Variants in AHCYL2 observed in about 807,000 individuals in gnomAD.
The protein encoded by AHCYL2 is adenosylhomocysteinase like 2, also known as S-adenosylhomocysteine hydrolase-like protein 2.
In AHCYL2, 28 loss-of-function variants were observed where a neutral mutation model predicts 81.4. The ratio of observed to expected loss-of-function variants is 0.34; its 90% CI spans 0.25 to 0.47. The LOEUF (loss-of-function observed/expected upper bound fraction) is 0.47. AHCYL2 is among the 20% of genes least tolerant of loss of function. AHCYL2 has a pLI of 1.00. For synonymous variants in AHCYL2, 272 were observed against 290.2 expected, an observed-to-expected ratio of 0.94 and a Z score of 0.64; for missense variants, 551 against 785.1, an observed-to-expected ratio of 0.70 and a Z score of 3.56.
chr7:129,403,447 C>T lies in AHCYL2; in HGVS notation c.987C>T (p.Ile329=). 6.2e-7 allele frequency: 1 copy of T among 1,611,710 alleles called. No homozygotes were observed. The highest frequency in any genetic ancestry group is 2.2e-5 in the East Asian group (1 of 44,662). The stretch of plus-strand genomic sequence containing the variant: ...AGTATCCCAACATGTTTAAGAAAAT[C>T]AAGGGCATAGTAGAGGAGAGTGTTA... The part of the protein sequence containing the change: ...YKKYPNMFKK[I]KGIVEESVTG... Residue 329 remains isoleucine, a synonymous_variant, in exon 7 of 17, where the codon ATC becomes ATT. Coordinates refer to ENST00000325006, the MANE Select transcript of AHCYL2 (RefSeq NM_015328.4).
intron 4 of AHCYL2, among the ~76,000 whole-genome samples, chr7:129,395,623 T>C (rs985965232): frequency 7.2e-5 from 11 of 152,180 alleles, no homozygotes; most frequent in South Asian, 2.1e-4. Flanking sequence ...TAGTCCCTAA[T>C]GGCAGGCCCA....
chr7:129,316,779 CT>C (rs1178584991), intron 1 of AHCYL2, among the ~76,000 whole-genome samples: 1 of 152,148 alleles, frequency 6.6e-6, no homozygotes, highest in East Asian at 1.9e-4. Flanking sequence ...AAGACTTTCC[CT>C]TTGGAATAGA....
intron 1 of AHCYL2, among the ~76,000 whole-genome samples, chr7:129,377,810 G>A (rs1042776062): frequency 1.3e-5 from 2 of 152,090 alleles, no homozygotes; most frequent in Non-Finnish European, 2.9e-5. Flanking sequence ...GTATTATAAA[G>A]TATCAGCTGG....
At chr7:129,249,188 A>G (rs1259271388) in intron 1 of AHCYL2, among the ~76,000 whole-genome samples, 2 of 151,700 alleles carry the variant, frequency 1.3e-5, no homozygotes, top group Non-Finnish European at 2.9e-5. Context: ...TGTAGAGACA[A>G]GATCTTGCCA....
chr7:129,241,651 G>A (rs1278317800), intron 1 of AHCYL2, among the ~76,000 whole-genome samples: 1 of 152,110 alleles, frequency 6.6e-6, no homozygotes, highest in African/African-American at 2.4e-5. Flanking sequence ...TGAGAAAAGT[G>A]TACTCATTAT....
intron 1 of AHCYL2, among the ~76,000 whole-genome samples, chr7:129,290,168 A>C (rs1796785722): frequency 6.6e-6 from 1 of 152,144 alleles, no homozygotes; most frequent in South Asian, 2.1e-4. Flanking sequence ...GCTTTCAATA[A>C]ATGTCAAATG....
chr7:129,280,177 A>ATTTTTTTTTT (rs1563179007), intron 1 of AHCYL2, among the ~76,000 whole-genome samples: 1 of 15,434 alleles, frequency 6.5e-5, no homozygotes, highest in African/African-American at 9.7e-5. Context: ...TTTGCTAAAT[A>ATTTTTTTTTT]CTTTTTTTTT....
intron 4 of AHCYL2, among the ~76,000 whole-genome samples, chr7:129,394,334 A>G (rs1413312590): frequency 2.7e-5 from 4 of 148,522 alleles, no homozygotes; most frequent in South Asian, 2.1e-4. Flanking sequence ...TTATTGGTCT[A>G]TCTTCAGGTT....
Position 129,321,783 on chromosome 7 carries a change from GT to G in AHCYL2, c.364-57845del, listed in dbSNP as rs1423315953. ...TTTTTTTGGTCTTGGTTTTGTTTTT[GT>G]TTTTTTTTTCAGACGGAGTCTCACT... is the stretch of plus-strand genomic sequence containing the variant. On this transcript the variant is annotated intron_variant, in intron 1 of 16. Coordinates refer to ENST00000325006, the MANE Select transcript of AHCYL2 (RefSeq NM_015328.4). 2.2e-3 allele frequency among the ~76,000 whole-genome samples: 84 copies of G among 37,922 alleles called. 2 individuals carry two copies. Among genetic ancestry groups the G allele is most frequent in the Admixed American group, 6.4e-3 (22 of 3,426 alleles). The allele number at this position is 37,922 out of a possible 152,430, so 24.9% of individuals were successfully genotyped here. A position where few individuals can be genotyped will look rare whatever the true frequency, so the allele number is the denominator to read the frequency against.
Position 129,405,880 on chromosome 7 carries a change from T to C in AHCYL2, c.1187T>C (p.Val396Ala). 6.2e-7 allele frequency: 1 copy of C among 1,613,782 alleles called. No individual in the cohort carries two copies. The highest frequency in any genetic ancestry group is 8.5e-7 in the Non-Finnish European group (1 of 1,179,848). Residue 396 changes from valine (V) to alanine (A), a missense_variant, in exon 9 of 17, where the codon GTA (valine) becomes GCA (alanine). Coordinates refer to ENST00000325006, the MANE Select transcript of AHCYL2 (RefSeq NM_015328.4). ...ATGATGTTTGGTGGAAAGCAAGTGG[T>C]AGTCTGTGGCTATGGAGAGGTGAAG... ...TDMMFGGKQV[V>A]VCGYGEVGKG...
intron 1 of AHCYL2, among the ~76,000 whole-genome samples, chr7:129,239,413 G>T (rs1408638754): frequency 6.6e-6 from 1 of 151,560 alleles, no homozygotes; most frequent in East Asian, 1.9e-4. Context: ...CTCATTTCAT[G>T]TTTCTCATTT....
intron 2 of AHCYL2, among the ~76,000 whole-genome samples, chr7:129,384,024 T>C (rs1795087908): frequency 6.6e-6 from 1 of 152,154 alleles, no homozygotes; most frequent in African/African-American, 2.4e-5. Context: ...GGATATGAGA[T>C]AATGCATATG....
chr7:129,252,835 AATAG>A (rs1008797214), intron 1 of AHCYL2, among the ~76,000 whole-genome samples: 1 of 152,036 alleles, frequency 6.6e-6, no homozygotes, highest in African/African-American at 2.4e-5. Flanking sequence ...TTGATAGATA[AATAG>A]ATAGCAGAGA....
intron 1 of AHCYL2, among the ~76,000 whole-genome samples, chr7:129,369,751 C>T (rs1294610235): frequency 6.6e-6 from 1 of 151,914 alleles, no homozygotes; most frequent in African/African-American, 2.4e-5. Flanking sequence ...GGGGTTTCAC[C>T]ATGTTGGCCA....
intron 1 of AHCYL2, among the ~76,000 whole-genome samples, chr7:129,243,187 ATTTT>A (rs892177077): frequency 1.3e-5 from 2 of 149,588 alleles, no homozygotes; most frequent in Non-Finnish European, 3.0e-5. Context: ...TGCCCAGCTA[ATTTT>A]TTTTTGTATT....
intron 1 of AHCYL2, among the ~76,000 whole-genome samples, chr7:129,352,521 C>G (rs562960349): frequency 1.4e-4 from 21 of 152,282 alleles, no homozygotes; most frequent in African/African-American, 4.8e-4. Context: ...AAAACTTTCT[C>G]TCTTTCACCC....
At position 129,389,314 on chromosome 7, in the gene AHCYL2, C is replaced by A. The variant is rs1468759179; in HGVS notation, c.619+115C>A. 5 of 1,242,774 alleles carry A rather than the reference C, an allele frequency of 4.0e-6. No homozygotes were observed. In the African/African-American group the frequency reaches 8.1e-5, roughly 20 times the overall value. The allele number at this position is 1,242,774 out of a possible 1,614,324, so 77.0% of individuals were successfully genotyped here. On this transcript the variant is annotated intron_variant, in intron 3 of 16. Transcript: ENST00000325006. ...GTGAAATTTCTATGTGATAAGAATA[C>A]TTATAACAAAAGAAATGTGAGTTCA...
At chr7:129,413,485 G>C in intron 11 of AHCYL2, 109 bp from the exon 12 acceptor site, 1 of 914,186 alleles carries the variant, frequency 1.1e-6, no homozygotes. Context: ...TGGGTTGTAA[G>C]AATTCCTTAT....
At chr7:129,369,752 A>C (rs914319200) in intron 1 of AHCYL2, among the ~76,000 whole-genome samples, 1 of 152,034 alleles carries the variant, frequency 6.6e-6, no homozygotes, top group African/African-American at 2.4e-5. Flanking sequence ...GGGTTTCACC[A>C]TGTTGGCCAG....
Sources: allele counts gnomAD v4.1 joint callset (sites outside exome capture counted in the v4.1 genomes callset), GRCh38; gene constraint gnomAD v4.1.1; transcripts MANE v1.5; gene names NCBI Gene and HGNC (gene_info 2026-07-23, HGNC 2026-07-21).